Variants in ANKS1B observed in about 807,000 individuals in gnomAD.
ANKS1B encodes the protein ankyrin repeat and sterile alpha motif domain containing 1B.
A neutral mutation model predicts 148.3 loss-of-function variants in ANKS1B; 36 were observed. The ratio of observed to expected loss-of-function variants is 0.24; its 90% confidence interval spans 0.19 to 0.32. ANKS1B has a LOEUF of 0.32. ANKS1B is among the 10% of genes least tolerant of loss of function. ANKS1B has a pLI of 1.00. For missense variants in ANKS1B, 1,157 were observed against 1,542.6 expected, an observed-to-expected ratio of 0.75 and a Z score of 4.19; for synonymous variants, 542 against 560.8, an observed-to-expected ratio of 0.97 and a Z score of 0.47.
intron 17 of ANKS1B, among the ~76,000 whole-genome samples, chr12:99,039,295 C>T (rs1310602290): frequency 2.6e-5 from 4 of 152,242 alleles, no homozygotes; most frequent in Non-Finnish European, 1.5e-5. Flanking sequence ...TGGCCCTCCA[C>T]AGTCAAGTAG....
At chr12:99,764,207 G>C (rs2062430457) in intron 8 of ANKS1B, among the ~76,000 whole-genome samples, 1 of 152,126 alleles carries the variant, frequency 6.6e-6, no homozygotes, top group South Asian at 2.1e-4. Flanking sequence ...CACACACACA[G>C]ATTAATATTT....
At chr12:99,898,695 G>T (rs539467981) in intron 1 of ANKS1B, among the ~76,000 whole-genome samples, 8 of 152,134 alleles carry the variant, frequency 5.3e-5, no homozygotes, top group Non-Finnish European at 1.2e-4. Flanking sequence ...AAGATTGGAG[G>T]GGGGAGGTTG....
chr12:99,648,241 A>T (rs1340550406), intron 9 of ANKS1B: 1 of 1,613,998 alleles, frequency 6.2e-7, no homozygotes, highest in Admixed American at 1.7e-5. Flanking sequence ...CATGTTTAAC[A>T]CCTCCATGGG....
chr12:99,148,173 G>A (rs2073798868), intron 15 of ANKS1B, among the ~76,000 whole-genome samples: 2 of 151,956 alleles, frequency 1.3e-5, no homozygotes, highest in African/African-American at 2.4e-5. Flanking sequence ...TGATTCATGA[G>A]GTAAATTTCT....
At chr12:98,930,037 T>C (rs1411654092) in intron 17 of ANKS1B, among the ~76,000 whole-genome samples, 1 of 152,112 alleles carries the variant, frequency 6.6e-6, no homozygotes, top group Non-Finnish European at 1.5e-5. Flanking sequence ...AAATCAAATA[T>C]CTGATAAGGG....
intron 17 of ANKS1B, among the ~76,000 whole-genome samples, chr12:98,872,500 C>T (rs1398206497): frequency 2.6e-5 from 4 of 152,116 alleles, no homozygotes; most frequent in African/African-American, 7.2e-5. Flanking sequence ...GATTGTGCCG[C>T]TGCACTCCAG....
At chr12:98,869,931 T>C (rs1567349401) in intron 17 of ANKS1B, among the ~76,000 whole-genome samples, 1 of 152,162 alleles carries the variant, frequency 6.6e-6, no homozygotes, top group Non-Finnish European at 1.5e-5. Context: ...TGATGGAATA[T>C]GGCAAAATGT....
rs760292764 is a variant in ANKS1B at position 98,751,321 on chromosome 12, GGTTTTTTAGAACATCT to G, written c.3747+18_3747+33del. The G allele has an allele frequency of 1.1e-5, 18 of 1,606,794 alleles. No individual in the cohort carries two copies. Among genetic ancestry groups the G allele is most frequent in the Admixed American group, 1.0e-4 (6 of 59,156 alleles). The stretch of plus-strand genomic sequence containing the variant: ...AGCAGCCCCTTTTCCTCCTGTTCAA[GGTTTTTTAGAACATCT>G]GTATCGTTTCTACTTACCACGGACT... On this transcript the variant is annotated intron_variant, in intron 26 of 26. Coordinates refer to ENST00000683438, the MANE Select transcript of ANKS1B (RefSeq NM_001352186.2). The surrounding 1 kb of genome is among the most constrained non-coding windows in gnomAD (Gnocchi z 4.3).
At position 99,686,656 on chromosome 12, in the gene ANKS1B, AG is replaced by A. The variant is rs763580149; in HGVS notation, c.1129-31447del. On this transcript the variant is annotated intron_variant, in intron 8 of 26. Coordinates refer to ENST00000683438, the MANE Select transcript of ANKS1B (RefSeq NM_001352186.2). ...TAAGTATGACAATTATAGACATGTA[AG>A]GGTTCATTTACATTATTTAAAAATT... 1.4e-4 allele frequency among the ~76,000 whole-genome samples: 21 copies of A among 152,294 alleles called. No individual in the cohort carries two copies. The South Asian group carries it at 1.5e-3, about 11-fold the overall frequency.
intron 26 of ANKS1B, among the ~76,000 whole-genome samples, chr12:98,747,623 G>T (rs985009272): frequency 2.0e-5 from 3 of 152,152 alleles, no homozygotes; most frequent in Non-Finnish European, 4.4e-5. Context: ...CAAAAGAAAA[G>T]AAATCAGTAT....
chr12:98,890,644 G>C (rs2099750698), intron 17 of ANKS1B, among the ~76,000 whole-genome samples: 1 of 152,182 alleles, frequency 6.6e-6, no homozygotes, highest in South Asian at 2.1e-4. Context: ...CTACGTGCAA[G>C]TCATTCTCAA....
chr12:99,380,751 T>TTCC (rs2093605915), intron 12 of ANKS1B, among the ~76,000 whole-genome samples: 1 of 143,734 alleles, frequency 7.0e-6, no homozygotes, highest in Admixed American at 6.9e-5. Context: ...TCAGTTTCCT[T>TTCC]TCCTCCTTCC....
chr12:99,328,910 A>T (rs1391878978), intron 12 of ANKS1B, among the ~76,000 whole-genome samples: 2 of 151,984 alleles, frequency 1.3e-5, no homozygotes, highest in African/African-American at 2.4e-5. Context: ...AAGACTGAAA[A>T]AACTTCTGGA....
In ANKS1B at chr12:98,887,497, G is replaced by A. The variant is rs182318404; in HGVS notation, c.2779-55361C>T. ...ATCAAACCTCTTAACATTTTTCATC[G>A]TATTTTTTCTTAACCATAAGGGAAA... On this transcript the variant is annotated intron_variant, in intron 17 of 26. Transcript: ENST00000683438. Among the ~76,000 whole-genome samples the A allele has an allele frequency of 1.1e-3, 165 of 152,108 alleles. 1 individual carries two copies. Among genetic ancestry groups the A allele is most frequent in the Non-Finnish European group, 5.4e-4 (37 of 67,996 alleles).
chr12:99,243,904 G>A (rs570756349), intron 14 of ANKS1B, among the ~76,000 whole-genome samples: 5 of 152,164 alleles, frequency 3.3e-5, no homozygotes, highest in Non-Finnish European at 5.9e-5. Flanking sequence ...AGCATTAGGA[G>A]AAATACCTAA....
At chr12:99,717,964 C>T (rs1377393029) in intron 8 of ANKS1B, among the ~76,000 whole-genome samples, 7 of 136,628 alleles carry the variant, frequency 5.1e-5, no homozygotes, top group South Asian at 4.7e-4. Context: ...AGTGCAGTGG[C>T]GCGATCTCGG....
intron 10 of ANKS1B, among the ~76,000 whole-genome samples, chr12:99,501,083 C>A (rs890975166): frequency 2.0e-5 from 3 of 147,112 alleles, no homozygotes; most frequent in Non-Finnish European, 4.4e-5. Context: ...TTTTTCATTT[C>A]TAAAAGTTTT....
chr12:99,370,144 C>T (rs1287097772), intron 12 of ANKS1B, among the ~76,000 whole-genome samples: 2 of 152,072 alleles, frequency 1.3e-5, no homozygotes, highest in African/African-American at 4.8e-5. Flanking sequence ...CAGCAGCTAA[C>T]GGCATAGATA....
intron 8 of ANKS1B, among the ~76,000 whole-genome samples, chr12:99,678,110 C>T (rs903336977): frequency 1.3e-5 from 2 of 152,154 alleles, no homozygotes; most frequent in African/African-American, 4.8e-5. Context: ...CGAGAGACAA[C>T]CAAATAAGAT....
Sources: allele counts gnomAD v4.1 joint callset (sites outside exome capture counted in the v4.1 genomes callset), GRCh38; gene constraint gnomAD v4.1.1; non-coding constraint Gnocchi (gnomAD v3.1); transcripts MANE v1.5; gene names NCBI Gene and HGNC (gene_info 2026-07-23, HGNC 2026-07-21).